DOCK2: variants seen among roughly 807,000 people sequenced by gnomAD.
The protein encoded by DOCK2 is dedicator of cytokinesis protein 2.
DOCK2 carries 87 observed loss-of-function variants against 248.9 expected under a neutral mutation model. That is an observed-to-expected ratio of 0.35 (90% CI 0.29 to 0.42). DOCK2 has a LOEUF of 0.42. DOCK2 is among the 10% of genes least tolerant of loss of function. DOCK2 has a pLI of 1.00. For missense variants in DOCK2, 1,747 were observed against 2,300.2 expected (o/e 0.76, Z 4.92); for synonymous variants, 805 against 821.6 (o/e 0.98, Z 0.35).
At chr5:169,700,718 G>A (rs1473216985) in intron 13 of DOCK2, among the ~76,000 whole-genome samples, 1 of 151,960 alleles carries the variant, frequency 6.6e-6, no homozygotes, top group Non-Finnish European at 1.5e-5. Context: ...ATTATAGGAG[G>A]GCATTGTTTT....
intron 25 of DOCK2, among the ~76,000 whole-genome samples, chr5:169,774,011 T>C (rs962513599): frequency 2.0e-5 from 3 of 152,194 alleles, no homozygotes; most frequent in African/African-American, 7.2e-5. Flanking sequence ...TCTTTTTCTT[T>C]ATAAATTACC....
intron 27 of DOCK2, among the ~76,000 whole-genome samples, chr5:169,912,226 T>TTTTA (rs1186137594): frequency 6.6e-6 from 1 of 152,162 alleles, no homozygotes; most frequent in Non-Finnish European, 1.5e-5. Flanking sequence ...TTATTTATTA[T>TTTTA]TTTATTTATT....
At chr5:169,725,458 G>A (rs1184720075) in intron 22 of DOCK2, among the ~76,000 whole-genome samples, 2 of 151,818 alleles carry the variant, frequency 1.3e-5, no homozygotes, top group Non-Finnish European at 2.9e-5. Context: ...ATGAAATTGT[G>A]CATATGCATG....
At chr5:169,963,315 C>T (rs1472776732) in intron 27 of DOCK2, among the ~76,000 whole-genome samples, 1 of 152,128 alleles carries the variant, frequency 6.6e-6, no homozygotes, top group Non-Finnish European at 1.5e-5. Context: ...CCCACAGCAG[C>T]CCTGACCTGA....
intron 44 of DOCK2, among the ~76,000 whole-genome samples, chr5:170,061,874 T>C (rs1458491436): frequency 6.6e-6 from 1 of 152,208 alleles, no homozygotes; most frequent in African/African-American, 2.4e-5. Flanking sequence ...CAACTCAGTC[T>C]ACACCTTGGC....
At chr5:169,755,044 C>G (rs555188313) in intron 23 of DOCK2, among the ~76,000 whole-genome samples, 1 of 151,988 alleles carries the variant, frequency 6.6e-6, no homozygotes, top group Non-Finnish European at 1.5e-5. Flanking sequence ...TTGAAGCAAT[C>G]CTCTTGCCTC....
intron 29 of DOCK2, among the ~76,000 whole-genome samples, chr5:169,995,040 T>A (rs1001593760): frequency 8.6e-5 from 13 of 151,588 alleles, no homozygotes; most frequent in Admixed American, 3.3e-4. Flanking sequence ...TTTTTTTTTT[T>A]TTTTTTTTGA....
chr5:169,670,178 G>C (rs187210168), intron 3 of DOCK2, among the ~76,000 whole-genome samples: 2 of 152,164 alleles, frequency 1.3e-5, no homozygotes, highest in Non-Finnish European at 2.9e-5. Context: ...AGAGCTCCTC[G>C]TCTCGCTTAA....
At chr5:169,839,352 T>G (rs887762580) in intron 26 of DOCK2, among the ~76,000 whole-genome samples, 3 of 152,192 alleles carry the variant, frequency 2.0e-5, no homozygotes, top group Non-Finnish European at 4.4e-5. Flanking sequence ...ACATCGACCT[T>G]GAGAGAACCT....
At chr5:169,667,218 T>G (rs1241103774) in intron 2 of DOCK2, among the ~76,000 whole-genome samples, 1 of 152,204 alleles carries the variant, frequency 6.6e-6, no homozygotes. Context: ...TGGGTTCAAG[T>G]CACTGCTACC....
At position 169,716,261 on chromosome 5, in the gene DOCK2, T is replaced by C; in HGVS notation, c.1990T>C (p.Ser664Pro). The C allele has an allele frequency of 1.9e-6, 3 of 1,613,808 alleles. No homozygotes were observed. Among genetic ancestry groups the C allele is most frequent in the Non-Finnish European group, 2.5e-6 (3 of 1,179,740 alleles). The change falls in exon 20 of 52, where the codon TCT becomes CCT. Residue 664 changes from serine to proline, a missense_variant. Ser to Pro is a moderately conservative substitution (Grantham distance 74). Coordinates refer to ENST00000520908, the MANE Select transcript of DOCK2 (RefSeq NM_004946.3). ...CCTCTTCAACATCATGATGGAGCAT[T>C]CTCAAAGTGATGAATATGACATCCT... Reference protein sequence around the residue: ...DALFNIMMEHSQSDEYDILVF... With the variant: ...DALFNIMMEHPQSDEYDILVF...
chr5:169,956,216 T>C (rs2113735164), intron 27 of DOCK2, among the ~76,000 whole-genome samples: 1 of 152,334 alleles, frequency 6.6e-6, no homozygotes, highest in African/African-American at 2.4e-5. Flanking sequence ...GTTGAGCAAG[T>C]GCTAAGCTGC....
At chr5:169,893,452 CTACAT>C (rs1175395750) in intron 27 of DOCK2, among the ~76,000 whole-genome samples, 2 of 148,104 alleles carry the variant, frequency 1.4e-5, no homozygotes, top group Admixed American at 1.3e-4. Flanking sequence ...TTGTTTTTCA[CTACAT>C]AACTGGGGAC....
intron 26 of DOCK2, among the ~76,000 whole-genome samples, chr5:169,807,419 T>G (rs1767447431): frequency 6.6e-6 from 1 of 152,204 alleles, no homozygotes; most frequent in African/African-American, 2.4e-5. Context: ...CAGAAACCAT[T>G]GCTCTAATAT....
intron 25 of DOCK2, among the ~76,000 whole-genome samples, chr5:169,784,770 A>G (rs1379433906): frequency 6.6e-6 from 1 of 152,214 alleles, no homozygotes; most frequent in African/African-American, 2.4e-5. Context: ...ATTTATGGCA[A>G]AGGATACTGG....
At chr5:169,718,820 A>C (rs1762038982) in intron 22 of DOCK2, 29 bp downstream of exon 22, 1 of 1,598,214 alleles carries the variant, frequency 6.3e-7, no homozygotes, top group Non-Finnish European at 8.6e-7. Flanking sequence ...AGAGTGATTG[A>C]TTAGCTCTGC....
chr5:169,967,718 G>A (rs954579156), intron 27 of DOCK2, among the ~76,000 whole-genome samples: 3 of 152,204 alleles, frequency 2.0e-5, no homozygotes, highest in African/African-American at 7.2e-5. Context: ...AGCAGGGGGT[G>A]CGTTTAGGAG....
At position 169,891,290 on chromosome 5, in the gene DOCK2, C is replaced by G. The variant is rs187668725; in HGVS notation, c.2799+50438C>G. 4.4e-3 allele frequency among the ~76,000 whole-genome samples: 667 copies of G among 152,280 alleles called. 7 individuals are homozygous for G. Among genetic ancestry groups the G allele is most frequent in the African/African-American group, 0.015 (624 of 41,566 alleles). On this transcript the variant is annotated intron_variant, in intron 27 of 51. Coordinates refer to ENST00000520908, the MANE Select transcript of DOCK2 (RefSeq NM_004946.3). ...GTCCCTCTGTGCAGCAAAACCCTGT[C>G]CTATTAGCTTATTTGTGTATTATCT...
At chr5:169,808,582 C>T (rs1019497633) in intron 26 of DOCK2, among the ~76,000 whole-genome samples, 2 of 139,232 alleles carry the variant, frequency 1.4e-5, no homozygotes, top group African/African-American at 5.3e-5. Context: ...TCTATTAACT[C>T]CTTTTCTCCC....
Sources: gnomAD v4.1 joint callset for allele counts (sites outside exome capture counted in the v4.1 genomes callset) on GRCh38, gnomAD v4.1.1 for gene constraint, MANE v1.5 for transcripts, NCBI Gene and HGNC (gene_info 2026-07-23, HGNC 2026-07-21) for gene names.